TTC34: variants seen among roughly 807,000 people sequenced by gnomAD.
The protein encoded by TTC34 is tetratricopeptide repeat protein 34.
Under a neutral mutation model 40.7 loss-of-function variants are expected in TTC34, and 44 were observed. That is an observed-to-expected ratio of 1.08 (90% confidence interval 0.85 to 1.39). The LOEUF is 1.39. TTC34 is among the 40% of genes most tolerant of loss of function. TTC34 has a pLI of 0.00. For synonymous variants in TTC34, 422 were observed against 398.6 expected, an observed-to-expected ratio of 1.06 and a Z score of -0.70; for missense variants, 884 against 838.0, an observed-to-expected ratio of 1.05 and a Z score of -0.68.
chr1:2,652,518 C>T (rs1639181215), intron 6 of TTC34, among the ~76,000 whole-genome samples: 283 of 100,554 alleles, frequency 2.8e-3, no homozygotes, highest in Middle Eastern at 0.016. Context: ...TGCAACAGCA[C>T]CCACACCTCC....
rs114117211 is a variant in TTC34 at position 2,644,372 on chromosome 1, G to A, written c.2604C>T (p.Asp868=). ...GCAGGTCCCTTGCAGCCCCTGGCAC[G>A]TCTCCCTTCTTGAGCTGGAGCAGGC... The change falls in exon 8 of 9, where the codon GAC becomes GAT. Residue 868 remains aspartate, a synonymous_variant. Transcript: ENST00000401095. 5.0e-3 allele frequency: 7,621 copies of A among 1,535,964 alleles called. 128 individuals are homozygous for A. The highest frequency in any genetic ancestry group is 0.04 in the African/African-American group (2,890 of 73,126).
At chr1:2,691,273 AAT>A (rs1640605225) in intron 6 of TTC34, among the ~76,000 whole-genome samples, 1 of 13,606 alleles carries the variant, frequency 7.3e-5, no homozygotes, top group African/African-American at 2.5e-4. Flanking sequence ...CCCAGGTGAG[AAT>A]CCGACAGCCT....
chr1:2,783,458 G>C (rs890927241), intron 6 of TTC34, 151 bp downstream of exon 6: 1 of 781,194 alleles, frequency 1.3e-6, no homozygotes, highest in African/African-American at 1.8e-5. Flanking sequence ...ATGAGCCGCT[G>C]TACAGGTGGG....
chr1:2,692,485 C>T (rs1447652833), intron 6 of TTC34, among the ~76,000 whole-genome samples: 1 of 125,730 alleles, frequency 8.0e-6, no homozygotes, highest in Non-Finnish European at 1.7e-5. Context: ...CATCTGACAG[C>T]CTGGAACAGC....
rs537926795 is a variant in TTC34, at chr1:2,691,713, A to C, written c.2227-46150T>G. Among the ~76,000 whole-genome samples, 2 of 96,170 alleles carry C rather than the reference A, an allele frequency of 2.1e-5. 1 individual carries two copies. The highest frequency in any genetic ancestry group is 4.9e-5 in the Non-Finnish European group (2 of 40,640). The allele number at this position is 96,170 out of a possible 152,430, so 63.1% of individuals were successfully genotyped here. On this transcript the variant is annotated intron_variant, in intron 6 of 8. Coordinates refer to ENST00000401095, the Ensembl canonical transcript of TTC34. ...GCAACAGCACCCACATCCCCAGGTGAGCATTGGACAGCCTGGAGCAGCACC... is the reference window on the plus strand; with the variant it reads ...GCAACAGCACCCACATCCCCAGGTGCGCATTGGACAGCCTGGAGCAGCACC...
intron 6 of TTC34, among the ~76,000 whole-genome samples, chr1:2,773,019 C>A (rs1642521069): frequency 6.6e-6 from 1 of 151,290 alleles, no homozygotes; most frequent in Non-Finnish European, 1.5e-5. Flanking sequence ...CACCCACACC[C>A]CCAGGCGAGC....
chr1:2,767,664 G>A (rs1641812361), intron 6 of TTC34, among the ~76,000 whole-genome samples: 1 of 105,584 alleles, frequency 9.5e-6, no homozygotes, highest in African/African-American at 4.3e-5. Flanking sequence ...GCATCCGACA[G>A]CGTGGAACAG....
intron 2 of TTC34, 131 bp from the exon 3 acceptor site, chr1:2,790,477 T>C: frequency 5.0e-6 from 2 of 397,300 alleles, no homozygotes; most frequent in Admixed American, 8.8e-5. Context: ...GGCATCTCCC[T>C]CCAGTCTCCA....
At chr1:2,751,019 A>C (rs1162555221) in intron 6 of TTC34, among the ~76,000 whole-genome samples, 1 of 113,956 alleles carries the variant, frequency 8.8e-6, no homozygotes, top group African/African-American at 4.1e-5. Flanking sequence ...ACAGGTGAGC[A>C]TCTGACAGCC....
At chr1:2,759,842 C>CGAGGTGAGCATCTGACAGCCTGGCGCAG (rs1641635304) in intron 6 of TTC34, among the ~76,000 whole-genome samples, 2 of 146,002 alleles carry the variant, frequency 1.4e-5, no homozygotes. Context: ...ACCCACACCC[C>CGAGGTGAGCATCTGACAGCCTGGCGCAG]CAGGTGAGCA....
chr1:2,688,231 C>A lies in TTC34; in HGVS notation c.2227-42668G>T, dbSNP rs531052482. On this transcript the variant is annotated intron_variant, in intron 6 of 8. Transcript: ENST00000401095. The stretch of plus-strand genomic sequence containing the variant: ...CACCCCCAGGGGAGCATCCGACAGC[C>A]TGGAGCAGCACCCACACCCCCAGGG... 6.8e-5 allele frequency among the ~76,000 whole-genome samples: 9 copies of A among 132,788 alleles called. No homozygotes were observed. The South Asian group carries it at 1.4e-3, about 21-fold the overall frequency. 87.1% of individuals were successfully genotyped at this position (132,788 alleles called of 152,430 possible). A position where few individuals can be genotyped will look rare whatever the true frequency, so the allele number is the denominator to read the frequency against.
At chr1:2,701,625 G>T (rs1641135455) in intron 6 of TTC34, among the ~76,000 whole-genome samples, 3 of 52,088 alleles carry the variant, frequency 5.8e-5, no homozygotes, top group African/African-American at 1.5e-4. Flanking sequence ...TACAGCCCCA[G>T]GTGACCATCT....
At chr1:2,694,244 T>G (rs1380570554) in intron 6 of TTC34, among the ~76,000 whole-genome samples, 657 of 81,830 alleles carry the variant, frequency 8.0e-3, no homozygotes, top group African/African-American at 8.5e-3. Context: ...GGCGAGCATC[T>G]GACAGCCTGG....
chr1:2,788,952 G>T (rs1470083953), intron 3 of TTC34, among the ~76,000 whole-genome samples: 1 of 152,134 alleles, frequency 6.6e-6, no homozygotes, highest in Non-Finnish European at 1.5e-5. Context: ...TTAGCTGGGC[G>T]TGGTGATCCC....
At chr1:2,778,577 C>G (rs1031296996) in intron 6 of TTC34, among the ~76,000 whole-genome samples, 1 of 152,226 alleles carries the variant, frequency 6.6e-6, no homozygotes, top group Admixed American at 6.5e-5. Flanking sequence ...GCCACATCTC[C>G]TCTCCTGCCC....
At chr1:2,798,664 T>C (rs1643737387) in intron 2 of TTC34, among the ~76,000 whole-genome samples, 1 of 88,968 alleles carries the variant, frequency 1.1e-5, no homozygotes, top group Admixed American at 1.3e-4. Context: ...GCTCCCAGCC[T>C]CCCAGCCTCT....
At chr1:2,685,789 GAACCCA>G (rs1640309070) in intron 6 of TTC34, among the ~76,000 whole-genome samples, 2 of 139,206 alleles carry the variant, frequency 1.4e-5, no homozygotes, top group Non-Finnish European at 3.1e-5. Context: ...GCCTGGAACA[GAACCCA>G]CACCCCCAGG....
chr1:2,749,122 C>A lies in TTC34; in HGVS notation c.2226+34487G>T, dbSNP rs1641236801. The stretch of plus-strand genomic sequence containing the variant: ...CGACAGCCTGGAGCAGCACCCACAC[C>A]CCCAGGTGAGCATCTGACAGCCTGG... On this transcript the variant is annotated intron_variant, in intron 6 of 8. Coordinates refer to ENST00000401095, the Ensembl canonical transcript of TTC34. Among the ~76,000 whole-genome samples the A allele has an allele frequency of 1.8e-3, 203 of 110,128 alleles. 1 individual carries two copies. Among genetic ancestry groups the A allele is most frequent in the African/African-American group, 4.2e-3 (95 of 22,486 alleles). 72.2% of individuals were successfully genotyped at this position (110,128 alleles called of 152,430 possible). A position where few individuals can be genotyped will look rare whatever the true frequency, so the allele number is the denominator to read the frequency against.
chr1:2,639,855 G>C (rs1003992975), exon 9 of TTC34: 2 of 152,520 alleles, frequency 1.3e-5, no homozygotes, highest in Non-Finnish European at 2.9e-5. Context: ...ACACATAGGC[G>C]GTGCCAGCTG....
Sources: gnomAD v4.1 joint callset for allele counts (sites outside exome capture counted in the v4.1 genomes callset) on GRCh38, gnomAD v4.1.1 for gene constraint, MANE v1.5 for transcripts, NCBI Gene and HGNC (gene_info 2026-07-23, HGNC 2026-07-21) for gene names.